SMOX: variants seen among roughly 807,000 people sequenced by gnomAD.
The protein encoded by SMOX is spermine oxidase.
Under a neutral mutation model 51.0 loss-of-function variants are expected in SMOX, and 22 were observed. That is an observed-to-expected ratio of 0.43 (90% CI 0.31 to 0.62). The LOEUF (loss-of-function observed/expected upper bound fraction) is 0.62, where lower values mean the gene tolerates loss of function less well. Among genes scored for constraint, SMOX ranks in the 20% least tolerant of loss-of-function variants. SMOX has a pLI of 0.10. For missense variants in SMOX, 566 were observed against 777.7 expected (o/e 0.73, Z 3.24); for synonymous variants, 282 against 307.8 (o/e 0.92, Z 0.88).
intron 1 of SMOX, among the ~76,000 whole-genome samples, chr20:4,159,391 T>TTACA (rs1168180864): frequency 6.6e-6 from 1 of 152,164 alleles, no homozygotes; most frequent in Non-Finnish European, 1.5e-5. Flanking sequence ...AGATTACAGG[T>TTACA]GTGAGCCACT....
In SMOX at chr20:4,183,398, C is replaced by T. The variant is rs559836691; in HGVS notation, c.1370-96C>T. 41 of 1,585,754 alleles carry T rather than the reference C, an allele frequency of 2.6e-5. No homozygotes were observed. Among genetic ancestry groups the T allele is most frequent in the Non-Finnish European group, 3.4e-5 (39 of 1,157,540 alleles). ...CTGGCAGTCTGGTCCTCCCGGAGCC[C>T]TGGAGGTGGGGTGGGGGGTTGTCCC... On this transcript the variant is annotated intron_variant, in intron 5 of 6. Transcript: ENST00000305958. This position sits in a 1 kb window ranked among gnomAD's most constrained non-coding sequence, Gnocchi z 4.3.
Position 4,181,701 on chromosome 20 carries a change from A to C in SMOX, c.436-102A>C, listed in dbSNP as rs1979333816. The stretch of plus-strand genomic sequence containing the variant: ...GGGACAGAGACCAGGGGCTCAGTGC[A>C]TCCAGGGGACACCTGGGAACTGGTG... On this transcript the variant is annotated intron_variant, in intron 3 of 6. Coordinates refer to ENST00000305958, the MANE Select transcript of SMOX (RefSeq NM_175839.3). The surrounding 1 kb of genome is among the most constrained non-coding windows in gnomAD (Gnocchi z 5.6). 7.3e-7 allele frequency: 1 copy of C among 1,375,774 alleles called. No individual in the cohort carries two copies. The highest frequency in any genetic ancestry group is 1.9e-5 in the Admixed American group (1 of 51,834). 85.2% of individuals were successfully genotyped at this position (1,375,774 alleles called of 1,614,324 possible).
At chr20:4,158,161 A>C (rs1461419799) in intron 1 of SMOX, among the ~76,000 whole-genome samples, 1 of 151,884 alleles carries the variant, frequency 6.6e-6, no homozygotes, top group Non-Finnish European at 1.5e-5. Context: ...TGGCCTCCCA[A>C]AGTGCTGGGA....
intron 1 of SMOX, among the ~76,000 whole-genome samples, chr20:4,158,067 A>ATT (rs1272256721): frequency 3.4e-5 from 5 of 148,524 alleles, no homozygotes; most frequent in South Asian, 2.1e-4. Flanking sequence ...CGCCCGGCTA[A>ATT]TTTTTTGTAT....
At chr20:4,162,260 A>G (rs1307291277) in intron 1 of SMOX, among the ~76,000 whole-genome samples, 2 of 152,058 alleles carry the variant, frequency 1.3e-5, no homozygotes, top group South Asian at 2.1e-4. Context: ...CCGACTCCCA[A>G]CTCCCAGGGC....
Position 4,149,513 on chromosome 20 carries a change from C to T in SMOX, c.-27+536C>T, listed in dbSNP as rs1192619008. On this transcript the variant is annotated intron_variant, in intron 1 of 6. Coordinates refer to ENST00000305958, the MANE Select transcript of SMOX (RefSeq NM_175839.3). This position sits in a 1 kb window ranked among gnomAD's most constrained non-coding sequence, Gnocchi z 6.0. ...TGGGCTCCGGGCGTCCGGGTGGTCC[C>T]CTTGGGGCCCCGGGCAGGGTGAGGA... Among the ~76,000 whole-genome samples, 2 of 151,978 alleles carry T rather than the reference C, an allele frequency of 1.3e-5. No homozygotes were observed. The highest frequency in any genetic ancestry group is 6.5e-5 in the Admixed American group (1 of 15,278).
chr20:4,163,930 A>G (rs1741309), intron 1 of SMOX, among the ~76,000 whole-genome samples: 80,690 of 151,986 alleles, frequency 0.53, 22,621 homozygotes, highest in East Asian at 0.63. Flanking sequence ...GTTAGCTGCA[A>G]TGGTCAGCTT....
chr20:4,169,831 C>T (rs1986747244), intron 1 of SMOX, among the ~76,000 whole-genome samples: 1 of 152,162 alleles, frequency 6.6e-6, no homozygotes. Context: ...CCAGAACCAG[C>T]TTCTCTGATG....
At position 4,182,876 on chromosome 20, in the gene SMOX, C is replaced by T. The variant is rs747185179; in HGVS notation, c.1369+28C>T. The T allele has an allele frequency of 6.3e-6, 10 of 1,583,454 alleles. No individual in the cohort carries two copies. Among genetic ancestry groups the T allele is most frequent in the African/African-American group, 1.3e-5 (1 of 74,856 alleles). ...GCGCCACGTGCCCCACGACCCGCTT[C>T]CCCCACCCTGCTTCTTCCTCACCTG... On this transcript the variant is annotated intron_variant, in intron 5 of 6. Transcript: ENST00000305958. This position sits in a 1 kb window ranked among gnomAD's most constrained non-coding sequence, Gnocchi z 8.4.
At chr20:4,150,221 C>T (rs969910059) in intron 1 of SMOX, among the ~76,000 whole-genome samples, 39 of 152,194 alleles carry the variant, frequency 2.6e-4, no homozygotes, top group African/African-American at 9.4e-4. Context: ...TTCTTCCCTT[C>T]ACAGCAAAAC....
chr20:4,179,079 C>T (rs1979122969), intron 3 of SMOX, among the ~76,000 whole-genome samples: 1 of 152,178 alleles, frequency 6.6e-6, no homozygotes. Flanking sequence ...CACTTGGTGT[C>T]ATGTGTGTGC....
Position 4,184,633 on chromosome 20 carries a change from G to A in SMOX, c.1530+979G>A, listed in dbSNP as rs991754242. Among the ~76,000 whole-genome samples the A allele has an allele frequency of 2.2e-4, 34 of 152,184 alleles. 1 individual carries two copies. The highest frequency in any genetic ancestry group is 7.7e-4 in the African/African-American group (32 of 41,436). Reference sequence around the variant, plus strand: ...AAAACAATTATTTGGTATAATTGGTGAAGAAGAGTTCAGTCAACCAGCATC... The same window carrying A: ...AAAACAATTATTTGGTATAATTGGTAAAGAAGAGTTCAGTCAACCAGCATC... On this transcript the variant is annotated intron_variant, in intron 6 of 6. Transcript: ENST00000305958.
chr20:4,173,289 C>G (rs1432728741), intron 1 of SMOX, among the ~76,000 whole-genome samples: 2 of 152,212 alleles, frequency 1.3e-5, no homozygotes, highest in Admixed American at 1.3e-4. Flanking sequence ...GGGTTTGCCT[C>G]TTCCTGAGCT....
intron 1 of SMOX, among the ~76,000 whole-genome samples, chr20:4,162,061 C>T (rs971475326): frequency 4.6e-5 from 7 of 152,188 alleles, no homozygotes; most frequent in Non-Finnish European, 8.8e-5. Context: ...GTGCCTTGGG[C>T]GGCAGGTCGT....
At chr20:4,168,119 A>AGGGGGGGGGGG (rs1986648702) in intron 1 of SMOX, among the ~76,000 whole-genome samples, 1 of 127,186 alleles carries the variant, frequency 7.9e-6, no homozygotes, top group Non-Finnish European at 1.7e-5. Context: ...AGAGCGGGGT[A>AGGGGGGGGGGG]GGGGTGGGGG....
chr20:4,183,309 C>T lies in SMOX; in HGVS notation c.1370-185C>T, dbSNP rs1979489412. On this transcript the variant is annotated intron_variant, in intron 5 of 6. Coordinates refer to ENST00000305958, the MANE Select transcript of SMOX (RefSeq NM_175839.3). The surrounding 1 kb of genome is among the most constrained non-coding windows in gnomAD (Gnocchi z 4.3). Reference sequence around the variant, plus strand: ...GTTTTGCCGGGGGTCACAGGAGGCGCTGAGTGGGTACACAGCTCGAGCCCC... The same window carrying T: ...GTTTTGCCGGGGGTCACAGGAGGCGTTGAGTGGGTACACAGCTCGAGCCCC... 2.6e-6 allele frequency: 2 copies of T among 772,358 alleles called. No homozygotes were observed. The highest frequency in any genetic ancestry group is 1.7e-5 in the African/African-American group (1 of 57,746). The allele number at this position is 772,358 out of a possible 1,614,324, so 47.8% of individuals were successfully genotyped here. A position where few individuals can be genotyped will look rare whatever the true frequency, so the allele number is the denominator to read the frequency against.
rs746012310 is a variant in SMOX at position 4,183,600 on chromosome 20, G to A, written c.1476G>A (p.Ala492=). 1.8e-5 allele frequency: 29 copies of A among 1,608,090 alleles called. No homozygotes were observed. The highest frequency in any genetic ancestry group is 5.3e-5 in the African/African-American group (4 of 74,800). The change falls in exon 6 of 7, where the codon GCG becomes GCA. Residue 492 remains alanine, a synonymous_variant. Transcript: ENST00000305958. This position sits in a 1 kb window ranked among gnomAD's most constrained non-coding sequence, Gnocchi z 4.3. ...YSYTQVGSSG[A]DVEKLAKPLP... ...ACACGCAGGTGGGCTCCAGCGGGGCGGATGTGGAGAAGCTGGCCAAGCCCC... is the reference window on the plus strand; with the variant it reads ...ACACGCAGGTGGGCTCCAGCGGGGCAGATGTGGAGAAGCTGGCCAAGCCCC...
chr20:4,161,263 C>T (rs943368492), intron 1 of SMOX, among the ~76,000 whole-genome samples: 17 of 152,148 alleles, frequency 1.1e-4, no homozygotes, highest in African/African-American at 3.6e-4. Flanking sequence ...ACGTCAGGGC[C>T]GTGCCTGCAG....
chr20:4,159,863 G>A (rs1986224064), intron 1 of SMOX, among the ~76,000 whole-genome samples: 1 of 152,222 alleles, frequency 6.6e-6, no homozygotes. Context: ...GTGGGTGGGG[G>A]ACTGTGCTTC....
Sources: gnomAD v4.1 joint callset for allele counts (sites outside exome capture counted in the v4.1 genomes callset) on GRCh38, gnomAD v4.1.1 for gene constraint, Gnocchi (gnomAD v3.1) non-coding constraint, MANE v1.5 for transcripts, NCBI Gene and HGNC (gene_info 2026-07-23, HGNC 2026-07-21) for gene names.